Variants in CMKLR1 observed in about 807,000 individuals in gnomAD.
CMKLR1 encodes chemerin-like receptor 1.
Under a neutral mutation model 8.2 loss-of-function variants are expected in CMKLR1, and 6 were observed. That is an observed-to-expected ratio of 0.73 (90% CI 0.40 to 1.44). The LOEUF (loss-of-function observed/expected upper bound fraction) is 1.44. CMKLR1 is among the 40% of genes most tolerant of loss of function. CMKLR1 has a pLI of 0.02. For synonymous variants in CMKLR1, 178 were observed against 181.2 expected (o/e 0.98, Z 0.14); for missense variants, 429 against 478.0 (o/e 0.90, Z 0.96).
At chr12:108,314,005 C>T (rs1016380497) in intron 2 of CMKLR1, among the ~76,000 whole-genome samples, 1 of 152,170 alleles carries the variant, frequency 6.6e-6, no homozygotes, top group African/African-American at 2.4e-5. Flanking sequence ...GCCAGCCGAC[C>T]CCCACCAGGC....
intron 2 of CMKLR1, among the ~76,000 whole-genome samples, chr12:108,320,921 TGTG>T (rs757232371): frequency 2.0e-5 from 3 of 152,214 alleles, no homozygotes; most frequent in Non-Finnish European, 4.4e-5. Context: ...AGGATGGTAT[TGTG>T]GTGGATGTTT....
At chr12:108,335,159 A>C (rs145163190) in intron 1 of CMKLR1, among the ~76,000 whole-genome samples, 3 of 152,210 alleles carry the variant, frequency 2.0e-5, no homozygotes, top group Non-Finnish European at 4.4e-5. Context: ...TGACAGAGAC[A>C]GGTAGCTGTC....
intron 2 of CMKLR1, among the ~76,000 whole-genome samples, chr12:108,294,783 G>T (rs1220894059): frequency 1.3e-5 from 2 of 152,172 alleles, no homozygotes; most frequent in East Asian, 3.9e-4. Flanking sequence ...TGTCAAATGG[G>T]CTCCAAACCA....
chr12:108,301,656 G>C (rs185150298), intron 2 of CMKLR1, among the ~76,000 whole-genome samples: 2 of 152,218 alleles, frequency 1.3e-5, no homozygotes, highest in African/African-American at 4.8e-5. Context: ...TAGAAATGTC[G>C]TCACAGACTT....
At position 108,292,779 on chromosome 12, in the gene CMKLR1, T is replaced by C. The variant is rs775871090; in HGVS notation, c.184A>G (p.Ile62Val). 1.9e-6 allele frequency: 3 copies of C among 1,614,108 alleles called. No homozygotes were observed. Among genetic ancestry groups the C allele is most frequent in the Admixed American group, 1.7e-5 (1 of 60,018 alleles). Residue 62 changes from isoleucine (I) to valine (V), a missense_variant, in exon 4 of 4, where the codon ATC (isoleucine) becomes GTC (valine). Physicochemically the swap from Ile to Val is conservative, Grantham distance 29. Transcript: ENST00000550402. ...FLGILGNGLV[I>V]IIATFKMKKT... The stretch of plus-strand genomic sequence containing the variant: ...TTCATCTTGAAGGTGGCAATGATGA[T>C]CACCAGACCATTGCCCAGAATCCCG...
At chr12:108,303,133 G>A (rs140253287) in intron 2 of CMKLR1, among the ~76,000 whole-genome samples, 7 of 152,316 alleles carry the variant, frequency 4.6e-5, no homozygotes, top group East Asian at 3.9e-4. Flanking sequence ...AGCTCCACCC[G>A]TTTTCCCCGT....
chr12:108,298,363 C>T (rs1409199128), intron 2 of CMKLR1, among the ~76,000 whole-genome samples: 1 of 152,222 alleles, frequency 6.6e-6, no homozygotes, highest in Non-Finnish European at 1.5e-5. Flanking sequence ...ACTGCTATCA[C>T]TCCCATTGTA....
intron 2 of CMKLR1, among the ~76,000 whole-genome samples, chr12:108,302,128 C>T (rs1593162232): frequency 1.3e-5 from 2 of 152,184 alleles, no homozygotes. Context: ...AGGAGGGAAA[C>T]CCCCAAACCC....
In CMKLR1 at chr12:108,289,384, C is replaced by T. The variant is rs2137286550; in HGVS notation, c.*2457G>A. 1 of 152,436 alleles carries T rather than the reference C, an allele frequency of 6.6e-6. No homozygotes were observed. Among genetic ancestry groups the T allele is most frequent in the African/African-American group, 2.4e-5 (1 of 41,594 alleles). 9.4% of individuals were successfully genotyped at this position (152,436 alleles called of 1,614,324 possible). The stretch of plus-strand genomic sequence containing the variant: ...AAGACTGTATGGGATGTTAAGGCTG[C>T]ATTTAAGTACTTGACAGGAACCTAA... On this transcript the variant is annotated 3_prime_UTR_variant, in exon 4 of 4. Transcript: ENST00000550402.
At chr12:108,303,218 C>A (rs17841964) in intron 2 of CMKLR1, among the ~76,000 whole-genome samples, 19 of 152,180 alleles carry the variant, frequency 1.2e-4, no homozygotes, top group Non-Finnish European at 1.9e-4. Context: ...TGCAAAGAGT[C>A]CTGGGCCCTA....
At chr12:108,304,281 G>A (rs1167754425) in intron 2 of CMKLR1, among the ~76,000 whole-genome samples, 1 of 152,096 alleles carries the variant, frequency 6.6e-6, no homozygotes, top group Non-Finnish European at 1.5e-5. Context: ...GCCATTACCA[G>A]GACTGGGATT....
rs1360620335 is a variant in CMKLR1, at chr12:108,292,496, G to T, written c.467C>A (p.Ala156Asp). 6.2e-7 allele frequency: 1 copy of T among 1,614,080 alleles called. No individual in the cohort carries two copies. Among genetic ancestry groups the T allele is most frequent in the Non-Finnish European group, 8.5e-7 (1 of 1,180,044 alleles). Reference sequence around the variant, plus strand: ...CCAGATGACCATGCAGGCCATGTAAGCCAGGCGAACGCTGCGGTGGTTCTG... The same window carrying T: ...CCAGATGACCATGCAGGCCATGTAATCCAGGCGAACGCTGCGGTGGTTCTG... The part of the protein sequence containing the change: ...WSQNHRSVRL[A>D]YMACMVIWVL... The change falls in exon 4 of 4, where the codon GCT becomes GAT. Residue 156 changes from alanine to aspartate, a missense_variant. Coordinates refer to ENST00000550402, the MANE Select transcript of CMKLR1 (RefSeq NM_001142343.2).
At chr12:108,323,675 A>G (rs1891912541) in intron 2 of CMKLR1, among the ~76,000 whole-genome samples, 1 of 152,222 alleles carries the variant, frequency 6.6e-6, no homozygotes, top group Non-Finnish European at 1.5e-5. Context: ...GGAAGTTGCC[A>G]TCTGGTCCAA....
At chr12:108,316,906 C>T (rs1355950304) in intron 2 of CMKLR1, among the ~76,000 whole-genome samples, 1 of 152,182 alleles carries the variant, frequency 6.6e-6, no homozygotes, top group Non-Finnish European at 1.5e-5. Flanking sequence ...TCAAGTGATC[C>T]TCCCACTTCA....
At position 108,290,371 on chromosome 12, in the gene CMKLR1, A is replaced by T. The variant is rs1348677068; in HGVS notation, c.*1470T>A. The T allele has an allele frequency of 1.3e-5, 2 of 152,180 alleles. No homozygotes were observed. Among genetic ancestry groups the T allele is most frequent in the Non-Finnish European group, 2.9e-5 (2 of 68,028 alleles). The allele number at this position is 152,180 out of a possible 1,614,324, so 9.4% of individuals were successfully genotyped here. ...TAAGCCTCAGATTCCTCCTATGTAA[A>T]AGGGAAGTTATAACCATACCTAACT... is the stretch of plus-strand genomic sequence containing the variant. On this transcript the variant is annotated 3_prime_UTR_variant, in exon 4 of 4. Transcript: ENST00000550402.
chr12:108,325,597 A>G (rs1030032255), intron 2 of CMKLR1, among the ~76,000 whole-genome samples: 2 of 152,152 alleles, frequency 1.3e-5, no homozygotes, highest in African/African-American at 4.8e-5. Context: ...CCACAGATCC[A>G]TCTCCCCCTG....
At position 108,336,461 on chromosome 12, in the gene CMKLR1, G is replaced by A. The variant is rs1020459242; in HGVS notation, c.-287+2566C>T. ...CTTGGGAGGCTGAGGCAGGAGAATG[G>A]CGTGAACCCGGGAGGCAGAGCTTGC... On this transcript the variant is annotated intron_variant, in intron 1 of 3. Transcript: ENST00000550402. Among the ~76,000 whole-genome samples the A allele has an allele frequency of 5.3e-5, 8 of 152,164 alleles. No homozygotes were observed. In the East Asian group the frequency reaches 1.5e-3, roughly 29 times the overall value.
At chr12:108,311,319 A>G (rs1432902246) in intron 2 of CMKLR1, among the ~76,000 whole-genome samples, 1 of 152,136 alleles carries the variant, frequency 6.6e-6, no homozygotes, top group Non-Finnish European at 1.5e-5. Context: ...ATTAACACTT[A>G]AAAGTGCTAG....
intron 1 of CMKLR1, among the ~76,000 whole-genome samples, chr12:108,337,523 A>C (rs1339561377): frequency 6.6e-6 from 1 of 152,226 alleles, no homozygotes. Flanking sequence ...AGAGACAGAC[A>C]AGATGACTGG....
Sources: gnomAD v4.1 joint callset for allele counts (sites outside exome capture counted in the v4.1 genomes callset) on GRCh38, gnomAD v4.1.1 for gene constraint, MANE v1.5 for transcripts, NCBI Gene and HGNC (gene_info 2026-07-23, HGNC 2026-07-21) for gene names.